DOCK6: variants seen among roughly 807,000 people sequenced by gnomAD.
The protein encoded by DOCK6 is dedicator of cytokinesis protein 6.
In DOCK6, 167 loss-of-function variants were observed where a neutral mutation model predicts 230.3. The observed-to-expected ratio is 0.73, with a 90% CI of 0.64 to 0.82. The LOEUF (loss-of-function observed/expected upper bound fraction) is 0.82. Among genes scored for constraint, DOCK6 ranks in the 40% least tolerant of loss-of-function variants. The pLI is 0.00. For missense variants in DOCK6, 2,598 were observed against 2,825.8 expected (o/e 0.92, Z 1.83); for synonymous variants, 1,148 against 1,185.0 (o/e 0.97, Z 0.64).
intron 37 of DOCK6, among the ~76,000 whole-genome samples, chr19:11,209,743 C>T (rs1160397569): frequency 1.2e-5 from 1 of 86,876 alleles, no homozygotes; most frequent in Non-Finnish European, 2.6e-5. Flanking sequence ...CACCTGTCCA[C>T]CCCCTCACCT....
In DOCK6 at chr19:11,204,105, A is replaced by G; in HGVS notation, c.5221-10T>C. 1 of 1,547,758 alleles carries G rather than the reference A, an allele frequency of 6.5e-7. No homozygotes were observed. The highest frequency in any genetic ancestry group is 1.2e-5 in the South Asian group (1 of 83,882). On this transcript the variant is annotated splice_polypyrimidine_tract_variant and intron_variant, in intron 40 of 47. Transcript: ENST00000294618. ...CCTCCCAGCCGGAACTCTGTGGGGA[A>G]GAGAAGGGTCAAGGTCAGCAGATCC... is the stretch of plus-strand genomic sequence containing the variant.
chr19:11,248,332 CCTT>C (rs1166587105), intron 6 of DOCK6, among the ~76,000 whole-genome samples, 181 bp from the exon 7 acceptor site: 4 of 152,152 alleles, frequency 2.6e-5, no homozygotes, highest in Non-Finnish European at 1.5e-5. Context: ...TCCCACTCCT[CCTT>C]GTCTCGCTAA....
chr19:11,215,048 T>C (rs2079459168), intron 32 of DOCK6, among the ~76,000 whole-genome samples: 2 of 151,798 alleles, frequency 1.3e-5, no homozygotes, highest in Admixed American at 6.6e-5. Context: ...GTTCACACCA[T>C]TCTCCTGCCT....
At chr19:11,229,202 G>A (rs895259700) in intron 22 of DOCK6, 167 bp from the exon 23 acceptor site, 10 of 1,285,776 alleles carry the variant, frequency 7.8e-6, no homozygotes, top group East Asian at 2.6e-5. Flanking sequence ...CCCTGGGCTC[G>A]CCAGACCCCC....
chr19:11,231,518 C>T (rs538363071), intron 22 of DOCK6, among the ~76,000 whole-genome samples: 1 of 152,336 alleles, frequency 6.6e-6, no homozygotes, highest in South Asian at 2.1e-4. Flanking sequence ...AATCTATCAT[C>T]CCAACAAAAT....
In DOCK6 at chr19:11,201,220, T is replaced by G. The variant is rs1332031386; in HGVS notation, c.5689-168A>C. ...GTCTGACTCTGGGGGGGTCCAGCCT[T>G]GGGTCTGCTGGGTCTGGTGCCCTGG... is the stretch of plus-strand genomic sequence containing the variant. On this transcript the variant is annotated intron_variant, in intron 44 of 47. Coordinates refer to ENST00000294618, the MANE Select transcript of DOCK6 (RefSeq NM_020812.4). The surrounding 1 kb of genome is among the most constrained non-coding windows in gnomAD (Gnocchi z 4.3). Among the ~76,000 whole-genome samples, 1 of 151,716 alleles carries G rather than the reference T, an allele frequency of 6.6e-6. No homozygotes were observed. Among genetic ancestry groups the G allele is most frequent in the Non-Finnish European group, 1.5e-5 (1 of 67,896 alleles).
At chr19:11,258,679 C>T (rs753691329) in intron 1 of DOCK6, among the ~76,000 whole-genome samples, 5 of 151,432 alleles carry the variant, frequency 3.3e-5, no homozygotes, top group Non-Finnish European at 7.4e-5. Context: ...GTGATCCGCC[C>T]ACCTCAGCCT....
chr19:11,241,490 C>T, intron 14 of DOCK6: 1 of 1,553,080 alleles, frequency 6.4e-7, no homozygotes, highest in East Asian at 2.4e-5. Flanking sequence ...CCTCACAGGC[C>T]ACGTGCAGCG....
intron 2 of DOCK6, among the ~76,000 whole-genome samples, chr19:11,253,324 C>T (rs1484538159): frequency 6.6e-6 from 1 of 152,180 alleles, no homozygotes; most frequent in Non-Finnish European, 1.5e-5. Flanking sequence ...GAAAGTCACT[C>T]CCCTCCCCAA....
chr19:11,261,417 G>T (rs1380875159), intron 1 of DOCK6, among the ~76,000 whole-genome samples: 1 of 150,820 alleles, frequency 6.6e-6, no homozygotes, highest in Non-Finnish European at 1.5e-5. Context: ...ACTCGATCAG[G>T]CTTCTGGTCT....
intron 22 of DOCK6, among the ~76,000 whole-genome samples, chr19:11,231,725 C>T (rs932589029): frequency 1.7e-4 from 26 of 152,140 alleles, no homozygotes; most frequent in African/African-American, 6.3e-4. Flanking sequence ...GACTTGAACC[C>T]AGGTCTGTTT....
chr19:11,237,802 T>C, intron 16 of DOCK6, 23 bp from the exon 17 acceptor site: 2 of 1,557,070 alleles, frequency 1.3e-6, no homozygotes, highest in Non-Finnish European at 1.7e-6. Flanking sequence ...GGCTGGGGGA[T>C]CTGCTGGGGG....
chr19:11,254,294 C>T (rs1187813083), intron 1 of DOCK6, among the ~76,000 whole-genome samples: 1 of 152,238 alleles, frequency 6.6e-6, no homozygotes, highest in Non-Finnish European at 1.5e-5. Context: ...CAGAGGTCAA[C>T]CTGGCCTGCG....
intron 6 of DOCK6, 144 bp downstream of exon 6, chr19:11,250,730 C>T: frequency 1.3e-6 from 1 of 776,492 alleles, no homozygotes; most frequent in Non-Finnish European, 2.0e-6. Flanking sequence ...ATAGGATATA[C>T]AGTAGGTGCC....
intron 14 of DOCK6, 113 bp downstream of exon 14, chr19:11,241,932 C>T (rs984424351): frequency 5.8e-6 from 8 of 1,377,896 alleles, no homozygotes; most frequent in East Asian, 5.0e-5. Flanking sequence ...AAAGCAGAGT[C>T]GTGGCATCTC....
Position 11,236,143 on chromosome 19 carries a change from G to C in DOCK6, c.2392+203C>G. The stretch of plus-strand genomic sequence containing the variant: ...GATCTGCCCGCCTCGGCCTCCCAAA[G>C]TGCTGGGATGACAGGCGTGAACCGC... On this transcript the variant is annotated intron_variant, in intron 20 of 47. Coordinates refer to ENST00000294618, the MANE Select transcript of DOCK6 (RefSeq NM_020812.4). The surrounding 1 kb of genome is among the most constrained non-coding windows in gnomAD (Gnocchi z 5.2). The C allele has an allele frequency of 3.2e-6, 2 of 624,740 alleles. No individual in the cohort carries two copies. Among genetic ancestry groups the C allele is most frequent in the Middle Eastern group, 4.4e-4 (1 of 2,268 alleles). 38.7% of individuals were successfully genotyped at this position (624,740 alleles called of 1,614,324 possible). A position where few individuals can be genotyped will look rare whatever the true frequency, so the allele number is the denominator to read the frequency against.
At chr19:11,253,384 G>A (rs529407550) in intron 2 of DOCK6, among the ~76,000 whole-genome samples, 1 of 152,266 alleles carries the variant, frequency 6.6e-6, no homozygotes, top group South Asian at 2.1e-4. Flanking sequence ...CTGGAGATGG[G>A]GGACATCAGG....
Position 11,212,013 on chromosome 19 carries a change from C to T in DOCK6, c.4630G>A (p.Asp1544Asn). ...TYAEEDMGLR[D>N]STFAEQVQDL... The stretch of plus-strand genomic sequence containing the variant: ...GTCACCTGCTCTGCGAAGGTGCTGT[C>T]CCGCAGCCCCATGTCCTCCTCAGCA... The change falls in exon 36 of 48, where the codon GAC (aspartate) becomes AAC (asparagine). Residue 1544 changes from aspartate to asparagine, a missense_variant. By Grantham distance (23) the Asp-to-Asn change is conservative (BLOSUM62 1). Coordinates refer to ENST00000294618, the MANE Select transcript of DOCK6 (RefSeq NM_020812.4). 6.2e-7 allele frequency: 1 copy of T among 1,606,848 alleles called. No individual in the cohort carries two copies. Among genetic ancestry groups the T allele is most frequent in the Non-Finnish European group, 8.5e-7 (1 of 1,177,082 alleles).
At chr19:11,252,378 C>A in intron 4 of DOCK6, 104 bp downstream of exon 4, 1 of 1,585,042 alleles carries the variant, frequency 6.3e-7, no homozygotes, top group Non-Finnish European at 8.6e-7. Flanking sequence ...AGTTTGCCTG[C>A]TCTTGCAGGG....
Sources: gnomAD v4.1 joint callset for allele counts (sites outside exome capture counted in the v4.1 genomes callset) on GRCh38, gnomAD v4.1.1 for gene constraint, Gnocchi (gnomAD v3.1) non-coding constraint, MANE v1.5 for transcripts, NCBI Gene and HGNC (gene_info 2026-07-23, HGNC 2026-07-21) for gene names.